The following PRKN variants were observed in gnomAD, a reference collection of about 807,000 sequenced individuals.
The protein encoded by PRKN is E3 ubiquitin-protein ligase parkin.
A neutral mutation model predicts 59.5 loss-of-function variants in PRKN; 56 were observed. The observed-to-expected ratio is 0.94, with a 90% confidence interval of 0.76 to 1.18. The LOEUF (loss-of-function observed/expected upper bound fraction) is 1.18. PRKN is among the 50% of genes most tolerant of loss of function. The probability of loss-of-function intolerance (pLI) is 0.00; values close to 1 mark genes in which losing one functional copy is unlikely to be tolerated. For synonymous variants in PRKN, 250 were observed against 222.1 expected, an observed-to-expected ratio of 1.13 and a Z score of -1.12; for missense variants, 657 against 596.4, an observed-to-expected ratio of 1.10 and a Z score of -1.06.
rs1165450087 is a variant in PRKN at position 161,908,075 on chromosome 6, C to T, written c.734+65227G>A. ...CCTGGGTGACAAAGCAAGACTCCAT[C>T]TCAAACTAACAACAACGACAACAAC... is the stretch of plus-strand genomic sequence containing the variant. On this transcript the variant is annotated intron_variant, in intron 6 of 11. Transcript: ENST00000366898. Among the ~76,000 whole-genome samples, 3 of 150,908 alleles carry T rather than the reference C, an allele frequency of 2.0e-5. No individual in the cohort carries two copies. In the Admixed American group the frequency reaches 2.0e-4, roughly 10 times the overall value.
chr6:161,803,938 A>T (rs1264084975), intron 6 of PRKN, among the ~76,000 whole-genome samples: 1 of 152,192 alleles, frequency 6.6e-6, no homozygotes, highest in Non-Finnish European at 1.5e-5. Flanking sequence ...AAGAAGATGG[A>T]ACCAAAGAAG....
chr6:161,803,473 C>T (rs1318337442), intron 6 of PRKN, among the ~76,000 whole-genome samples: 1 of 152,188 alleles, frequency 6.6e-6, no homozygotes, highest in African/African-American at 2.4e-5. Context: ...TCCTGCCTTT[C>T]ACCACGAGAA....
At chr6:162,475,312 T>G (rs1791948814) in intron 1 of PRKN, among the ~76,000 whole-genome samples, 1 of 152,214 alleles carries the variant, frequency 6.6e-6, no homozygotes, top group South Asian at 2.1e-4. Flanking sequence ...TAAGAATTAT[T>G]CAACGTCAAG....
At chr6:162,547,226 A>G (rs1448330580) in intron 1 of PRKN, among the ~76,000 whole-genome samples, 1 of 152,216 alleles carries the variant, frequency 6.6e-6, no homozygotes, top group African/African-American at 2.4e-5. Flanking sequence ...AATAAACCAG[A>G]AGAACAAAAC....
rs1784577489 is a variant in PRKN at position 161,352,226 on chromosome 6, T to C, written c.1286-2015A>G. ...GTTCGGTGCTGTCTCACTTTTATTA[T>C]TAGAAACCTGGCATGAGAACTTTCA... On this transcript the variant is annotated intron_variant, in intron 11 of 11. Transcript: ENST00000366898. This position sits in a 1 kb window ranked among gnomAD's most constrained non-coding sequence, Gnocchi z 5.8. Among the ~76,000 whole-genome samples, 1 of 152,220 alleles carries C rather than the reference T, an allele frequency of 6.6e-6. No homozygotes were observed. The highest frequency in any genetic ancestry group is 1.5e-5 in the Non-Finnish European group (1 of 68,032).
At chr6:161,718,093 C>T (rs529185480) in intron 7 of PRKN, among the ~76,000 whole-genome samples, 8 of 152,256 alleles carry the variant, frequency 5.3e-5, no homozygotes, top group South Asian at 4.1e-4. Context: ...ATGTGCCTTG[C>T]GATGGTTGGA....
chr6:162,053,442 A>G (rs1053725930), intron 5 of PRKN, among the ~76,000 whole-genome samples: 2 of 152,234 alleles, frequency 1.3e-5, no homozygotes, highest in African/African-American at 2.4e-5. Flanking sequence ...AACAATATAC[A>G]TGTGAAGCAT....
chr6:161,368,419 G>A lies in PRKN; in HGVS notation c.1168-8214C>T, dbSNP rs535568005. Among the ~76,000 whole-genome samples, 129 of 99,524 alleles carry A rather than the reference G, an allele frequency of 1.3e-3. 2 individuals are homozygous for A. The highest frequency in any genetic ancestry group is 9.2e-3 in the Admixed American group (99 of 10,718). The allele number at this position is 99,524 out of a possible 152,430, so 65.3% of individuals were successfully genotyped here. ...TATATATATATATATGCTGGGCCTG[G>A]TGGCGCACACATATAGTCCCAGCTA... On this transcript the variant is annotated intron_variant, in intron 10 of 11. Coordinates refer to ENST00000366898, the MANE Select transcript of PRKN (RefSeq NM_004562.3).
At chr6:162,258,854 G>A (rs1779765127) in intron 3 of PRKN, among the ~76,000 whole-genome samples, 1 of 152,170 alleles carries the variant, frequency 6.6e-6, no homozygotes, top group Non-Finnish European at 1.5e-5. Flanking sequence ...AGTACCAACA[G>A]TGTAACTGGT....
chr6:162,524,776 T>C (rs1778215290), intron 1 of PRKN, among the ~76,000 whole-genome samples: 1 of 152,182 alleles, frequency 6.6e-6, no homozygotes, highest in Admixed American at 6.5e-5. Context: ...AAAACTGCTT[T>C]CCAAATTTTT....
chr6:162,320,433 AC>A lies in PRKN; in HGVS notation c.172-57669del, dbSNP rs1459356305. 3.3e-3 allele frequency among the ~76,000 whole-genome samples: 452 copies of A among 138,682 alleles called. 3 individuals are homozygous for A. The highest frequency in any genetic ancestry group is 0.012 in the African/African-American group (435 of 35,378). 91.0% of individuals were successfully genotyped at this position (138,682 alleles called of 152,430 possible). On this transcript the variant is annotated intron_variant, in intron 2 of 11. Transcript: ENST00000366898. Reference sequence around the variant, plus strand: ...GCAAAAAAAACCAAAAAAAAAAAAAACCCCACAAAATTTCAAGATACTTCAC... The same window carrying A: ...GCAAAAAAAACCAAAAAAAAAAAAAACCCACAAAATTTCAAGATACTTCAC...
At chr6:162,569,110 TGAG>T (rs1300504778) in intron 1 of PRKN, 15 of 660,316 alleles carry the variant, frequency 2.3e-5, no homozygotes, top group Admixed American at 1.3e-4. Flanking sequence ...AGGCGTAGTA[TGAG>T]GAGATCACCC....
rs1780664317 is a variant in PRKN at position 161,566,945 on chromosome 6, CTG to C, written c.933+2408_933+2409del. On this transcript the variant is annotated intron_variant, in intron 8 of 11. Transcript: ENST00000366898. The surrounding 1 kb of genome is among the most constrained non-coding windows in gnomAD (Gnocchi z 4.1). ...TGGATACCTTTCAGTCTTTATTCAC[CTG>C]TCACCTGCTCAGTGAAACTTTCCCT... Among the ~76,000 whole-genome samples the C allele has an allele frequency of 6.6e-6, 1 of 151,962 alleles. No individual in the cohort carries two copies. The highest frequency in any genetic ancestry group is 2.4e-5 in the African/African-American group (1 of 41,326).
intron 2 of PRKN, among the ~76,000 whole-genome samples, chr6:162,326,111 A>AG (rs1398749960): frequency 6.6e-6 from 1 of 152,204 alleles, no homozygotes; most frequent in Non-Finnish European, 1.5e-5. Flanking sequence ...AATGCTGAGT[A>AG]GGGAGGAGAC....
At chr6:162,063,680 G>C (rs955053154) in intron 4 of PRKN, among the ~76,000 whole-genome samples, 1 of 151,934 alleles carries the variant, frequency 6.6e-6, no homozygotes, top group African/African-American at 2.4e-5. Context: ...AAGTAGCTAG[G>C]ATTACAGGCA....
chr6:162,259,447 A>AT (rs200878742), intron 3 of PRKN, among the ~76,000 whole-genome samples: 3,551 of 152,216 alleles, frequency 0.023, 61 homozygotes, highest in East Asian at 0.061. Context: ...ATGAAAGAAG[A>AT]TTTTTTTTCT....
At chr6:162,224,066 T>C (rs1377925983) in intron 3 of PRKN, among the ~76,000 whole-genome samples, 1 of 151,444 alleles carries the variant, frequency 6.6e-6, no homozygotes, top group East Asian at 2.0e-4. Context: ...CCCTCATAGA[T>C]ACTCCTCCAT....
chr6:162,178,423 G>A (rs1217192152), intron 4 of PRKN, among the ~76,000 whole-genome samples: 1 of 152,118 alleles, frequency 6.6e-6, no homozygotes, highest in East Asian at 1.9e-4. Flanking sequence ...TGATGCTGGG[G>A]GAATTTGAAC....
rs1299124553 is a variant in PRKN at position 161,499,490 on chromosome 6, G to A, written c.1083+49364C>T. Among the ~76,000 whole-genome samples the A allele has an allele frequency of 6.6e-6, 1 of 152,070 alleles. No homozygotes were observed. The stretch of plus-strand genomic sequence containing the variant: ...CTCATTTCTCTCGTTCATGTCACCT[G>A]TTGCTTCTTATTGGCTTTGGAATGT... On this transcript the variant is annotated intron_variant, in intron 9 of 11. Coordinates refer to ENST00000366898, the MANE Select transcript of PRKN (RefSeq NM_004562.3). The surrounding 1 kb of genome is among the most constrained non-coding windows in gnomAD (Gnocchi z 4.2).
Sources: allele counts gnomAD v4.1 joint callset (sites outside exome capture counted in the v4.1 genomes callset), GRCh38; gene constraint gnomAD v4.1.1; non-coding constraint Gnocchi (gnomAD v3.1); transcripts MANE v1.5; gene names NCBI Gene and HGNC (gene_info 2026-07-23, HGNC 2026-07-21).